FRYL: variants seen among roughly 807,000 people sequenced by gnomAD.
FRYL encodes the protein FRY like transcription coactivator, also known as protein furry homolog-like.
Under a neutral mutation model 351.2 loss-of-function variants are expected in FRYL, and 150 were observed. That is an observed-to-expected ratio of 0.43 (90% CI 0.37 to 0.49). FRYL has a LOEUF of 0.49. Among genes scored for constraint, FRYL ranks in the 20% least tolerant of loss-of-function variants. The pLI is 0.00. For synonymous variants in FRYL, 1,153 were observed against 1,257.1 expected (o/e 0.92, Z 1.75); for missense variants, 3,036 against 3,619.3 (o/e 0.84, Z 4.13).
At chr4:48,546,507 G>C (rs1731360677) in intron 41 of FRYL, 2 of 456,254 alleles carry the variant, frequency 4.4e-6, no homozygotes, top group South Asian at 3.7e-5. Flanking sequence ...GTACTATGCA[G>C]TCCTCTGCCG....
chr4:48,745,497 G>T lies in FRYL; in HGVS notation c.-384+34581C>A, dbSNP rs1219278122. Among the ~76,000 whole-genome samples, 3 of 151,948 alleles carry T rather than the reference G, an allele frequency of 2.0e-5. No individual in the cohort carries two copies. The South Asian group carries it at 6.2e-4, about 32-fold the overall frequency. ...AACCATCATTCTCAGCAAACTTATC[G>T]CAAGGACAAAAAACCAAACACTGCA... On this transcript the variant is annotated intron_variant, in intron 1 of 63. Transcript: ENST00000358350.
intron 3 of FRYL, among the ~76,000 whole-genome samples, chr4:48,671,073 A>ACC (rs1237017635): frequency 2.0e-5 from 3 of 152,180 alleles, no homozygotes; most frequent in African/African-American, 7.2e-5. Flanking sequence ...TCAATAGTGT[A>ACC]CAAGGGTTCG....
chr4:48,556,924 G>C, intron 35 of FRYL, 54 bp downstream of exon 35: 2 of 1,411,222 alleles, frequency 1.4e-6, no homozygotes, highest in Admixed American at 4.1e-5. Context: ...GACATCACAA[G>C]ATACTAGTAA....
chr4:48,668,386 T>TAAAAAAA, intron 3 of FRYL, among the ~76,000 whole-genome samples: 1 of 122,842 alleles, frequency 8.1e-6, no homozygotes. Context: ...CTCAAAAAAT[T>TAAAAAAA]AAAAAAAAAA....
rs559363079 is a variant in FRYL, at chr4:48,535,571, G to GTA, written c.6564+84_6564+85dup. On this transcript the variant is annotated intron_variant, in intron 48 of 63. Coordinates refer to ENST00000358350, the MANE Select transcript of FRYL (RefSeq NM_015030.2). Reference sequence around the variant, plus strand: ...CAGAGTAGTTAAAATATATATATGTGTATATATATACACATACACACACAC... The same window carrying GTA: ...CAGAGTAGTTAAAATATATATATGTGTATATATATATACACATACACACACAC... The GTA allele has an allele frequency of 1.3e-4, 77 of 589,928 alleles. No homozygotes were observed. The African/African-American group carries it at 1.5e-3, about 12-fold the overall frequency. 36.5% of individuals were successfully genotyped at this position (589,928 alleles called of 1,614,324 possible).
intron 2 of FRYL, among the ~76,000 whole-genome samples, chr4:48,687,903 G>A (rs558310137): frequency 2.0e-5 from 3 of 152,174 alleles, no homozygotes; most frequent in South Asian, 2.1e-4. Flanking sequence ...TAAGTAATAC[G>A]AAGACTGCTT....
At chr4:48,568,982 A>T (rs1175974343) in intron 27 of FRYL, among the ~76,000 whole-genome samples, 2 of 152,232 alleles carry the variant, frequency 1.3e-5, no homozygotes, top group Non-Finnish European at 2.9e-5. Flanking sequence ...ATGAAAATTT[A>T]AAAATCCAGA....
chr4:48,506,637 T>TGAAATC (rs1381318791), intron 59 of FRYL: 1 of 63,474 alleles, frequency 1.6e-5, no homozygotes, highest in Non-Finnish European at 3.9e-5. Flanking sequence ...TATATATATA[T>TGAAATC]ATATATATAT....
At chr4:48,736,793 T>C (rs1178528161) in intron 1 of FRYL, among the ~76,000 whole-genome samples, 4 of 128,356 alleles carry the variant, frequency 3.1e-5, no homozygotes, top group African/African-American at 1.2e-4. Context: ...GAGGTTGCAG[T>C]GAGCCAAGAT....
At chr4:48,573,053 G>A in intron 26 of FRYL, 133 bp downstream of exon 26, 1 of 611,588 alleles carries the variant, frequency 1.6e-6, no homozygotes, top group Non-Finnish European at 2.8e-6. Context: ...TCTTCTGCGG[G>A]GAGGGGAAGT....
At chr4:48,711,568 G>A (rs978519214) in intron 1 of FRYL, among the ~76,000 whole-genome samples, 47 of 152,374 alleles carry the variant, frequency 3.1e-4, no homozygotes, top group African/African-American at 9.1e-4. Flanking sequence ...CGGGAAGCTC[G>A]AACTGGGTGG....
At position 48,540,657 on chromosome 4, in the gene FRYL, G is replaced by A. The variant is rs1729956657; in HGVS notation, c.5991C>T (p.Thr1997=). 6.2e-7 allele frequency: 1 copy of A among 1,613,756 alleles called. No homozygotes were observed. The highest frequency in any genetic ancestry group is 1.7e-5 in the Admixed American group (1 of 59,972). Residue 1997 remains threonine (T), a synonymous_variant, in exon 46 of 64, where the codon ACC becomes ACT. Coordinates refer to ENST00000358350, the MANE Select transcript of FRYL (RefSeq NM_015030.2). The part of the protein sequence containing the change: ...MYDVQSTTEP[T]NLMATIFWIA... Reference sequence around the variant, plus strand: ...TCCAAAAAATGGTGGCCATCAAGTTGGTAGGCTCAGTAGTGGACTGCACGT... The same window carrying A: ...TCCAAAAAATGGTGGCCATCAAGTTAGTAGGCTCAGTAGTGGACTGCACGT...
chr4:48,581,140 G>C (rs1384723047), intron 21 of FRYL, among the ~76,000 whole-genome samples, 189 bp from the exon 22 acceptor site: 3 of 151,642 alleles, frequency 2.0e-5, no homozygotes, highest in Admixed American at 2.0e-4. Context: ...CCGCCTCCTG[G>C]GTTCACGCCA....
intron 1 of FRYL, among the ~76,000 whole-genome samples, chr4:48,772,897 G>A (rs968143907): frequency 6.6e-6 from 1 of 152,158 alleles, no homozygotes; most frequent in Non-Finnish European, 1.5e-5. Context: ...CTGAAGTATG[G>A]ACGCTGAAAT....
At position 48,669,862 on chromosome 4, in the gene FRYL, C is replaced by T. The variant is rs564335887; in HGVS notation, c.-81+14811G>A. 9.2e-5 allele frequency among the ~76,000 whole-genome samples: 14 copies of T among 151,910 alleles called. No homozygotes were observed. In the South Asian group the frequency reaches 1.2e-3, roughly 14 times the overall value. ...GTCCCAATTTTTAATAATATACATC[C>T]GTGTAACTTTGGGAGGCAGTCTAAA... On this transcript the variant is annotated intron_variant, in intron 3 of 63. Transcript: ENST00000358350.
chr4:48,676,761 T>G (rs1198800385), intron 3 of FRYL, among the ~76,000 whole-genome samples: 1 of 152,230 alleles, frequency 6.6e-6, no homozygotes, highest in Admixed American at 6.5e-5. Flanking sequence ...CAATCTTGTA[T>G]ACTTTCCTGG....
intron 2 of FRYL, among the ~76,000 whole-genome samples, chr4:48,707,499 A>G (rs1300296206): frequency 4.6e-5 from 7 of 152,244 alleles, no homozygotes; most frequent in African/African-American, 1.7e-4. Flanking sequence ...GAGTCTGAAT[A>G]CAAAGCAATT....
chr4:48,730,629 C>T (rs1770617765), intron 1 of FRYL, among the ~76,000 whole-genome samples: 2 of 152,182 alleles, frequency 1.3e-5, no homozygotes, highest in African/African-American at 2.4e-5. Context: ...TCCAGCCAAA[C>T]TAAGCTTCAT....
At chr4:48,563,721 AG>A (rs1028987127) in intron 31 of FRYL, among the ~76,000 whole-genome samples, 3 of 151,046 alleles carry the variant, frequency 2.0e-5, no homozygotes, top group African/African-American at 7.3e-5. Context: ...AAAAAAAAAA[AG>A]GAGTATACGG....
Sources: allele counts gnomAD v4.1 joint callset (sites outside exome capture counted in the v4.1 genomes callset), GRCh38; gene constraint gnomAD v4.1.1; transcripts MANE v1.5; gene names NCBI Gene and HGNC (gene_info 2026-07-23, HGNC 2026-07-21).